SLC3A1: variants seen among roughly 807,000 people sequenced by gnomAD.
SLC3A1 encodes amino acid transporter heavy chain SLC3A1.
Under a neutral mutation model 60.3 loss-of-function variants are expected in SLC3A1, and 78 were observed. The observed-to-expected ratio is 1.29, with a 90% CI of 1.08 to 1.56. The LOEUF (loss-of-function observed/expected upper bound fraction) is 1.56. Among genes scored for constraint, SLC3A1 ranks in the 40% most tolerant of loss-of-function variants. The pLI is 0.00. For synonymous variants in SLC3A1, 392 were observed against 307.9 expected, an observed-to-expected ratio of 1.27 and a Z score of -2.86; for missense variants, 1,172 against 858.9, an observed-to-expected ratio of 1.36 and a Z score of -4.56.
intron 4 of SLC3A1, among the ~76,000 whole-genome samples, chr2:44,299,197 C>T (rs150568312): frequency 0.094 from 14,346 of 152,116 alleles, 729 homozygotes; most frequent in Non-Finnish European, 0.11. Context: ...CGCCACCATG[C>T]CTGGCTACTT....
chr2:44,307,140 T>C (rs1459191756), intron 7 of SLC3A1, among the ~76,000 whole-genome samples: 3 of 152,218 alleles, frequency 2.0e-5, no homozygotes, highest in Non-Finnish European at 2.9e-5. Flanking sequence ...CTTAACATAG[T>C]GTTTTCAAGG....
At chr2:44,308,179 G>C (rs1419527215) in intron 7 of SLC3A1, among the ~76,000 whole-genome samples, 1 of 152,156 alleles carries the variant, frequency 6.6e-6, no homozygotes. Context: ...CAGTTGATTA[G>C]ATTTCCAGAC....
In SLC3A1 at chr2:44,293,960, T is replaced by G. The variant is rs77082755; in HGVS notation, c.892-6011T>G. 2.5e-3 allele frequency among the ~76,000 whole-genome samples: 17 copies of G among 6,888 alleles called. No homozygotes were observed. The African/African-American group carries it at 0.027, about 11-fold the overall frequency. The allele number at this position is 6,888 out of a possible 152,430, so 4.5% of individuals were successfully genotyped here. On this transcript the variant is annotated intron_variant, in intron 4 of 9. Coordinates refer to ENST00000260649, the MANE Select transcript of SLC3A1 (RefSeq NM_000341.4). ...CTTTGTAAAGCACTTAGGATGCTAT[T>G]TTTTTTACTGTATACAGTACTTGTT...
At chr2:44,305,666 T>C (rs1399159501) in intron 7 of SLC3A1, among the ~76,000 whole-genome samples, 1 of 152,010 alleles carries the variant, frequency 6.6e-6, no homozygotes, top group Non-Finnish European at 1.5e-5. Context: ...GACCTCGTGA[T>C]CCACCCCCAC....
chr2:44,314,935 T>TC (rs1211906211), intron 9 of SLC3A1: 1 of 133,632 alleles, frequency 7.5e-6, no homozygotes, highest in Non-Finnish European at 1.5e-5. Flanking sequence ...TTTTTTTTTT[T>TC]TTTTTTTTTT....
chr2:44,292,732 AG>A (rs995276665), intron 4 of SLC3A1, among the ~76,000 whole-genome samples: 2 of 152,004 alleles, frequency 1.3e-5, no homozygotes, highest in African/African-American at 4.8e-5. Context: ...GACACATTAG[AG>A]GTGCTGGGAG....
At chr2:44,302,141 A>G (rs1672027395) in intron 6 of SLC3A1, among the ~76,000 whole-genome samples, 1 of 152,202 alleles carries the variant, frequency 6.6e-6, no homozygotes, top group African/African-American at 2.4e-5. Flanking sequence ...TACAGTATAT[A>G]AATCCATATG....
Position 44,304,402 on chromosome 2 carries a change from T to C in SLC3A1, c.1332+64T>C, listed in dbSNP as rs1672100123. On this transcript the variant is annotated intron_variant, in intron 7 of 9. Transcript: ENST00000260649. ...GTTGCCTTTGCTGTCCAGTTATCTC[T>C]AAAATGCAATGGACCTTTGTCTCTA... The C allele has an allele frequency of 9.7e-6, 12 of 1,233,846 alleles. No homozygotes were observed. The South Asian group carries it at 1.2e-4, about 13-fold the overall frequency. 76.4% of individuals were successfully genotyped at this position (1,233,846 alleles called of 1,614,324 possible).
At chr2:44,281,645 T>C in intron 3 of SLC3A1, 104 bp downstream of exon 3, 2 of 1,089,308 alleles carry the variant, frequency 1.8e-6, no homozygotes, top group Non-Finnish European at 2.8e-6. Context: ...TGAATATAGT[T>C]TATCGGAAGG....
At chr2:44,277,851 C>T (rs1156997189) in intron 1 of SLC3A1, among the ~76,000 whole-genome samples, 1 of 152,138 alleles carries the variant, frequency 6.6e-6, no homozygotes, top group Non-Finnish European at 1.5e-5. Context: ...TTACTTCCTG[C>T]AATCCATAGG....
chr2:44,301,027 C>T lies in SLC3A1; in HGVS notation c.1036C>T (p.Leu346=), dbSNP rs777111328. ...IPDTVTQYSE[L]YHDFTTTQVG... The stretch of plus-strand genomic sequence containing the variant: ...GGACACGGTCACACAATACTCGGAG[C>T]TGTACCATGACTTCACCACCACGCA... Residue 346 remains leucine (L), a synonymous_variant, in exon 6 of 10, where the codon CTG becomes TTG. Transcript: ENST00000260649. 2 of 1,614,128 alleles carry T rather than the reference C, an allele frequency of 1.2e-6. No homozygotes were observed. Among genetic ancestry groups the T allele is most frequent in the East Asian group, 2.2e-5 (1 of 44,886 alleles).
rs1044614615 is a variant in SLC3A1, at chr2:44,286,253, CAA to C, written c.891+97_891+98del. ...TGCACAGTAATTGTGTAGGCAAAAT[CAA>C]GTCTTTAATTATTTGAAATACTCTA... On this transcript the variant is annotated intron_variant, in intron 4 of 9. Transcript: ENST00000260649. The C allele has an allele frequency of 9.2e-6, 11 of 1,192,166 alleles. No individual in the cohort carries two copies. In the African/African-American group the frequency reaches 1.4e-4, roughly 15 times the overall value. 73.8% of individuals were successfully genotyped at this position (1,192,166 alleles called of 1,614,324 possible). A position where few individuals can be genotyped will look rare whatever the true frequency, so the allele number is the denominator to read the frequency against.
intron 4 of SLC3A1, among the ~76,000 whole-genome samples, chr2:44,290,342 G>A (rs1441462739): frequency 6.6e-6 from 1 of 152,146 alleles, no homozygotes; most frequent in Admixed American, 6.5e-5. Flanking sequence ...GCGCTTTGTA[G>A]TAAGTTTTGA....
At chr2:44,301,176 C>T (rs751424664) in intron 6 of SLC3A1, 49 bp downstream of exon 6, 69 of 1,610,998 alleles carry the variant, frequency 4.3e-5, no homozygotes, top group Non-Finnish European at 5.6e-5. Flanking sequence ...AGTGTGTGAT[C>T]TGCAGTGTAT....
At chr2:44,279,112 C>T (rs1253385473) in intron 1 of SLC3A1, among the ~76,000 whole-genome samples, 1 of 151,942 alleles carries the variant, frequency 6.6e-6, no homozygotes, top group Admixed American at 6.6e-5. Flanking sequence ...AATTCTCCTG[C>T]CTCAGCCTCC....
At position 44,304,188 on chromosome 2, in the gene SLC3A1, G is replaced by A. The variant is rs1314451032; in HGVS notation, c.1182G>A (p.Val394=). Residue 394 remains valine (V), a synonymous_variant, in exon 7 of 10, where the codon GTG becomes GTA. Coordinates refer to ENST00000260649, the MANE Select transcript of SLC3A1 (RefSeq NM_000341.4). ...EAYAESIDRT[V]MYYGLPFIQE... is the part of the protein sequence containing the mutation. Reference sequence around the variant, plus strand: ...ATGCAGAGAGTATTGACAGGACCGTGATGTACTATGGATTGCCATTTATCC... The same window carrying A: ...ATGCAGAGAGTATTGACAGGACCGTAATGTACTATGGATTGCCATTTATCC... 6.2e-7 allele frequency: 1 copy of A among 1,614,122 alleles called. No individual in the cohort carries two copies. Among genetic ancestry groups the A allele is most frequent in the Non-Finnish European group, 8.5e-7 (1 of 1,179,990 alleles).
chr2:44,317,908 TAAGA>T (rs1374618726), intron 9 of SLC3A1: 1 of 236,396 alleles, frequency 4.2e-6, no homozygotes, highest in Non-Finnish European at 8.6e-6. Context: ...AAAACAGACA[TAAGA>T]AACACTAACA....
In SLC3A1 at chr2:44,312,606, A is replaced by C. The variant is rs1672325882; in HGVS notation, c.1353A>C (p.Ser451=). ...PNWMIGGPDS[S]RLTSRLGNQY... ...TTCAGATTGGTGGACCAGACAGTTC[A>C]CGGCTGACTTCGCGTTTGGGGAATC... Residue 451 remains serine (S), a synonymous_variant, in exon 8 of 10, where the codon TCA becomes TCC. Transcript: ENST00000260649. The C allele has an allele frequency of 6.2e-7, 1 of 1,613,842 alleles. No individual in the cohort carries two copies. The highest frequency in any genetic ancestry group is 1.3e-5 in the African/African-American group (1 of 74,912).
intron 4 of SLC3A1, among the ~76,000 whole-genome samples, chr2:44,289,301 C>G (rs1187548535): frequency 6.6e-6 from 1 of 151,524 alleles, no homozygotes; most frequent in African/African-American, 2.4e-5. Flanking sequence ...ACCTCCACCT[C>G]CTGGGTTCAA....
Sources: gnomAD v4.1 joint callset for allele counts (sites outside exome capture counted in the v4.1 genomes callset) on GRCh38, gnomAD v4.1.1 for gene constraint, MANE v1.5 for transcripts, NCBI Gene and HGNC (gene_info 2026-07-23, HGNC 2026-07-21) for gene names.